The following CMTM8 variants were observed in gnomAD, a reference collection of about 807,000 sequenced individuals.
The protein encoded by CMTM8 is CKLF like MARVEL transmembrane domain containing 8.
A neutral mutation model predicts 18.6 loss-of-function variants in CMTM8; 12 were observed. The observed-to-expected ratio is 0.65, with a 90% CI of 0.41 to 1.05. The LOEUF is 1.05. Ranked by LOEUF, CMTM8 falls within the 50% of genes least tolerant of loss-of-function variation. The probability of loss-of-function intolerance (pLI) is 0.00; values close to 1 mark genes in which losing one functional copy is unlikely to be tolerated. For synonymous variants in CMTM8, 87 were observed against 90.6 expected (o/e 0.96, Z 0.23); for missense variants, 217 against 227.2 (o/e 0.95, Z 0.29).
intron 1 of CMTM8, among the ~76,000 whole-genome samples, chr3:32,327,095 T>C (rs1696175398): frequency 6.6e-6 from 1 of 151,278 alleles, no homozygotes; most frequent in South Asian, 2.1e-4. Flanking sequence ...GTGACCCTCA[T>C]TCAGCTGCTA....
At chr3:32,274,949 T>C (rs1375618827) in intron 1 of CMTM8, among the ~76,000 whole-genome samples, 2 of 152,214 alleles carry the variant, frequency 1.3e-5, no homozygotes, top group African/African-American at 4.8e-5. Context: ...CTTAGTACCA[T>C]ACATCAAGGG....
intron 3 of CMTM8, among the ~76,000 whole-genome samples, chr3:32,368,254 G>T (rs1156472047): frequency 6.6e-6 from 1 of 152,196 alleles, no homozygotes; most frequent in Non-Finnish European, 1.5e-5. Flanking sequence ...GCTGTTTAAA[G>T]CATGCTAAGA....
At chr3:32,314,449 G>C (rs1452091245) in intron 1 of CMTM8, among the ~76,000 whole-genome samples, 1 of 151,538 alleles carries the variant, frequency 6.6e-6, no homozygotes, top group African/African-American at 2.4e-5. Flanking sequence ...TCCTACTGGG[G>C]AGAGGGTGGG....
At position 32,370,031 on chromosome 3, in the gene CMTM8, G is replaced by A; in HGVS notation, c.*64G>A. The A allele has an allele frequency of 6.0e-6, 5 of 828,552 alleles. No homozygotes were observed. Among genetic ancestry groups the A allele is most frequent in the Non-Finnish European group, 7.8e-6 (4 of 516,116 alleles). The allele number at this position is 828,552 out of a possible 1,614,324, so 51.3% of individuals were successfully genotyped here. On this transcript the variant is annotated 3_prime_UTR_variant, in exon 4 of 4. Transcript: ENST00000307526. ...ACTCTCACTGTAAAAACAGCTGTAGGTATAATGTATATTCCCAGAGAATTG... is the reference window on the plus strand; with the variant it reads ...ACTCTCACTGTAAAAACAGCTGTAGATATAATGTATATTCCCAGAGAATTG...
chr3:32,274,330 A>G (rs1254943870), intron 1 of CMTM8, among the ~76,000 whole-genome samples: 3 of 152,008 alleles, frequency 2.0e-5, no homozygotes, highest in African/African-American at 7.2e-5. Flanking sequence ...TGTTTTACCC[A>G]TACTTGTTTC....
chr3:32,242,954 G>A (rs1320227364), intron 1 of CMTM8, among the ~76,000 whole-genome samples: 2 of 151,740 alleles, frequency 1.3e-5, no homozygotes, highest in African/African-American at 4.8e-5. Flanking sequence ...TTGCAGTAGT[G>A]CAATCCCAGC....
chr3:32,264,151 G>A (rs1454374228), intron 1 of CMTM8, among the ~76,000 whole-genome samples: 1 of 152,168 alleles, frequency 6.6e-6, no homozygotes, highest in African/African-American at 2.4e-5. Flanking sequence ...ATAATTGTCA[G>A]ATTCACCAAA....
chr3:32,343,146 G>A (rs930927520), intron 1 of CMTM8, among the ~76,000 whole-genome samples: 3 of 152,192 alleles, frequency 2.0e-5, no homozygotes, highest in Non-Finnish European at 4.4e-5. Flanking sequence ...GGAAGATGCC[G>A]CTGAACGCTA....
rs572973601 is a variant in CMTM8, at chr3:32,265,748, G to A, written c.147+26629G>A. ...AAAAAGAGAGAAGAATCAAATAGACGCAATAAAAAATGATAAAGAGGATAT... is the reference window on the plus strand; with the variant it reads ...AAAAAGAGAGAAGAATCAAATAGACACAATAAAAAATGATAAAGAGGATAT... On this transcript the variant is annotated intron_variant, in intron 1 of 3. Coordinates refer to ENST00000307526, the MANE Select transcript of CMTM8 (RefSeq NM_178868.5). Among the ~76,000 whole-genome samples the A allele has an allele frequency of 2.9e-4, 43 of 150,340 alleles. No individual in the cohort carries two copies. The South Asian group carries it at 5.9e-3, about 21-fold the overall frequency.
chr3:32,239,631 A>G (rs1701919137), intron 1 of CMTM8, among the ~76,000 whole-genome samples: 1 of 152,172 alleles, frequency 6.6e-6, no homozygotes, highest in Admixed American at 6.5e-5. Context: ...TTTTAGGACC[A>G]AAGAGGTCTT....
intron 1 of CMTM8, among the ~76,000 whole-genome samples, chr3:32,318,238 T>C (rs943688698): frequency 6.6e-6 from 1 of 150,770 alleles, no homozygotes. Flanking sequence ...GGAAAAGCCA[T>C]GGCAAGGAAG....
At chr3:32,324,283 T>A (rs1696114463) in intron 1 of CMTM8, among the ~76,000 whole-genome samples, 1 of 152,142 alleles carries the variant, frequency 6.6e-6, no homozygotes, top group South Asian at 2.1e-4. Context: ...AAAAACTTTT[T>A]CCAGTCTGGT....
chr3:32,240,667 G>A (rs979081514), intron 1 of CMTM8, among the ~76,000 whole-genome samples: 10 of 152,306 alleles, frequency 6.6e-5, no homozygotes, highest in Admixed American at 4.6e-4. Context: ...TGACATGTTA[G>A]CATGTATCCT....
At chr3:32,285,575 A>G (rs754003426) in intron 1 of CMTM8, among the ~76,000 whole-genome samples, 2 of 152,042 alleles carry the variant, frequency 1.3e-5, no homozygotes, top group Non-Finnish European at 2.9e-5. Context: ...GGTGAAATCT[A>G]TGTGAAGTGT....
At chr3:32,306,214 T>A (rs1370080006) in intron 1 of CMTM8, among the ~76,000 whole-genome samples, 2 of 152,204 alleles carry the variant, frequency 1.3e-5, no homozygotes, top group South Asian at 2.1e-4. Flanking sequence ...CATGGCACAT[T>A]GTTGTCATCC....
At chr3:32,350,162 C>T (rs1308932853) in intron 1 of CMTM8, among the ~76,000 whole-genome samples, 1 of 152,144 alleles carries the variant, frequency 6.6e-6, no homozygotes, top group Admixed American at 6.5e-5. Context: ...GACTTTCAAA[C>T]AGCTTCCCAC....
At position 32,260,548 on chromosome 3, in the gene CMTM8, G is replaced by T. The variant is rs532089794; in HGVS notation, c.147+21429G>T. Among the ~76,000 whole-genome samples, 13 of 152,046 alleles carry T rather than the reference G, an allele frequency of 8.6e-5. No homozygotes were observed. The South Asian group carries it at 1.9e-3, about 22-fold the overall frequency. On this transcript the variant is annotated intron_variant, in intron 1 of 3. Coordinates refer to ENST00000307526, the MANE Select transcript of CMTM8 (RefSeq NM_178868.5). ...TTCATTTACTACTTGTATGTGCTTG[G>T]GTTCAACTGTATACTTTCTAGTCTG...
intron 1 of CMTM8, among the ~76,000 whole-genome samples, chr3:32,262,867 A>G (rs1702275638): frequency 6.6e-6 from 1 of 152,132 alleles, no homozygotes; most frequent in South Asian, 2.1e-4. Context: ...GCTTCTAGTG[A>G]GTTTTCACAC....
At chr3:32,308,070 C>G (rs1312855907) in intron 1 of CMTM8, among the ~76,000 whole-genome samples, 1 of 152,208 alleles carries the variant, frequency 6.6e-6, no homozygotes, top group Non-Finnish European at 1.5e-5. Context: ...GAAGACACCA[C>G]AGGGTGTTGA....
Sources: allele counts gnomAD v4.1 joint callset (sites outside exome capture counted in the v4.1 genomes callset), GRCh38; gene constraint gnomAD v4.1.1; transcripts MANE v1.5; gene names NCBI Gene and HGNC (gene_info 2026-07-23, HGNC 2026-07-21).